Variants in DMD observed in about 807,000 individuals in gnomAD.
The protein encoded by DMD is dystrophin.
In DMD, 63 loss-of-function variants were observed where a neutral mutation model predicts 330.1. The observed-to-expected ratio is 0.19, with a 90% CI of 0.16 to 0.24. The LOEUF (loss-of-function observed/expected upper bound fraction) is 0.24. Among genes scored for constraint, DMD ranks in the 10% least tolerant of loss-of-function variants. The pLI, the probability that DMD is intolerant of heterozygous loss-of-function variation, is 1.00. For missense variants in DMD, 3,344 were observed against 2,684.1 expected (o/e 1.25, Z -5.43); for synonymous variants, 1,223 against 959.8 (o/e 1.27, Z -5.07).
rs149129574 is a variant in DMD, at chrX:32,918,868, G to T, written c.94-69048C>A. The stretch of plus-strand genomic sequence containing the variant: ...CAATATGATACCTGCTATTGTACAG[G>T]TTCTTACAGGTGCTACAGAAGAATC... On this transcript the variant is annotated intron_variant, in intron 2 of 78. Coordinates refer to ENST00000357033, the MANE Select transcript of DMD (RefSeq NM_004006.3). Among the ~76,000 whole-genome samples the T allele has an allele frequency of 2.4e-3, 270 of 111,743 alleles. 4 individuals are homozygous for T. The East Asian group carries it at 0.047, about 19-fold the overall frequency.
chrX:31,717,855 A>AG (rs2148947538), intron 52 of DMD, among the ~76,000 whole-genome samples: 1 of 112,294 alleles, frequency 8.9e-6, no homozygotes, highest in South Asian at 3.7e-4. Flanking sequence ...AAGTGAATCA[A>AG]GGACTCCCTG....
intron 2 of DMD, among the ~76,000 whole-genome samples, chrX:32,997,817 A>C (rs1320080963): frequency 9.0e-6 from 1 of 111,006 alleles, no homozygotes; most frequent in East Asian, 2.9e-4. Flanking sequence ...TACATAATAA[A>C]TTTTCTTAAC....
At chrX:32,175,461 C>A (rs2096902924) in intron 44 of DMD, among the ~76,000 whole-genome samples, 1 of 110,637 alleles carries the variant, frequency 9.0e-6, no homozygotes, top group African/African-American at 3.3e-5. Context: ...CTGCTTGGGT[C>A]CCCTTCCACG....
In DMD at chrX:33,218,044, T is replaced by C. The variant is rs1237792164; in HGVS notation, c.7+121215A>G. On this transcript the variant is annotated intron_variant, in intron 1 of 17. Transcript: ENST00000288447. The stretch of plus-strand genomic sequence containing the variant: ...GGAAGAAAGGTGTAAATTCTTTCAT[T>C]ATTATTACAATGTTAGCTATAAGAT... 3.6e-5 allele frequency among the ~76,000 whole-genome samples: 4 copies of C among 111,616 alleles called. No homozygotes were observed. In the East Asian group the frequency reaches 1.1e-3, roughly 32 times the overall value.
intron 19 of DMD, among the ~76,000 whole-genome samples, chrX:32,496,715 C>T (rs1466708826): frequency 8.9e-6 from 1 of 112,793 alleles, no homozygotes; most frequent in Non-Finnish European, 1.9e-5. Context: ...TCACACACAC[C>T]CACAGAGGCT....
intron 32 of DMD, among the ~76,000 whole-genome samples, chrX:32,387,071 C>G (rs1436189519): frequency 9.0e-6 from 1 of 110,852 alleles, no homozygotes; most frequent in Non-Finnish European, 1.9e-5. Context: ...AATTACACAA[C>G]TTTATTTTCT....
intron 50 of DMD, among the ~76,000 whole-genome samples, chrX:31,817,901 T>A (rs1358290458): frequency 8.9e-6 from 1 of 112,034 alleles, no homozygotes; most frequent in Non-Finnish European, 1.9e-5. Flanking sequence ...GGAATAATTT[T>A]CCCAGAAATA....
In DMD at chrX:31,254,425, C is replaced by T. The variant is rs755074140; in HGVS notation, c.9286+6530G>A. On this transcript the variant is annotated intron_variant, in intron 63 of 78. Transcript: ENST00000357033. ...AGGCTGGAGTGCAGTGATGTAACCT[C>T]GGCTCACTGCAGTCTCGTCCTCCCG... 5.6e-4 allele frequency among the ~76,000 whole-genome samples: 62 copies of T among 111,229 alleles called. 1 individual carries two copies. Among genetic ancestry groups the T allele is most frequent in the Non-Finnish European group, 1.0e-3 (54 of 52,989 alleles).
intron 7 of DMD, among the ~76,000 whole-genome samples, chrX:32,750,261 T>C (rs1326101182): frequency 8.9e-6 from 1 of 111,851 alleles, no homozygotes; most frequent in Non-Finnish European, 1.9e-5. Context: ...TCAAACTCTA[T>C]CCATCCTTGA....
intron 48 of DMD, among the ~76,000 whole-genome samples, chrX:31,854,872 G>C (rs1424615378): frequency 9.0e-6 from 1 of 111,244 alleles, no homozygotes; most frequent in Non-Finnish European, 1.9e-5. Flanking sequence ...GTGTTTTGCA[G>C]CATGCCTGGT....
intron 66 of DMD, among the ~76,000 whole-genome samples, chrX:31,204,470 A>T (rs2043856332): frequency 1.8e-5 from 2 of 112,314 alleles, no homozygotes; most frequent in South Asian, 7.4e-4. Flanking sequence ...TTTAGCATTA[A>T]GAGACATATA....
rs1363721005 is a variant in DMD at position 31,581,201 on chromosome X, G to T, written c.8217+46472C>A. Among the ~76,000 whole-genome samples the T allele has an allele frequency of 2.7e-5, 3 of 111,938 alleles. No homozygotes were observed. In the East Asian group the frequency reaches 8.4e-4, roughly 31 times the overall value. ...CACTGACTACATGCTGATTGGCTTG[G>T]GGGGAAGGATTGCTTACCATGTTGT... On this transcript the variant is annotated intron_variant, in intron 55 of 78. Transcript: ENST00000357033.
chrX:33,176,799 G>GGT (rs1415361428), intron 1 of DMD, among the ~76,000 whole-genome samples: 2 of 110,693 alleles, frequency 1.8e-5, no homozygotes, highest in Non-Finnish European at 3.8e-5. Context: ...AGCCGGTCAT[G>GGT]GTGGCGCTCC....
chrX:31,767,294 T>C (rs777096888), intron 51 of DMD, among the ~76,000 whole-genome samples: 51 of 111,513 alleles, frequency 4.6e-4, no homozygotes, highest in African/African-American at 1.6e-3. Flanking sequence ...GAATAATCAA[T>C]CTCCTCACCC....
chrX:32,205,010 T>TCTCTCTCTCTCTC (rs2097059434), intron 44 of DMD, among the ~76,000 whole-genome samples: 38 of 53,019 alleles, frequency 7.2e-4, no homozygotes, highest in Non-Finnish European at 9.1e-4. Context: ...CTCTCTCACA[T>TCTCTCTCTCTCTC]ACACACACAC....
intron 54 of DMD, among the ~76,000 whole-genome samples, chrX:31,657,173 T>A (rs1405554760): frequency 9.0e-6 from 1 of 111,467 alleles, no homozygotes; most frequent in Admixed American, 9.6e-5. Flanking sequence ...TTCCTCATAT[T>A]GTACAGGTGC....
intron 41 of DMD, among the ~76,000 whole-genome samples, chrX:32,316,139 A>T (rs1380057749): frequency 8.9e-6 from 1 of 111,796 alleles, no homozygotes; most frequent in African/African-American, 3.2e-5. Flanking sequence ...CAGTGTCAAT[A>T]CATGGAAATA....
At chrX:32,175,678 T>C (rs1011021050) in intron 44 of DMD, among the ~76,000 whole-genome samples, 4 of 110,986 alleles carry the variant, frequency 3.6e-5, no homozygotes, top group African/African-American at 1.3e-4. Flanking sequence ...ATCCTAGATA[T>C]TTCCTAGCCT....
chrX:32,082,234 T>C (rs1210086993), intron 44 of DMD, among the ~76,000 whole-genome samples: 4 of 111,160 alleles, frequency 3.6e-5, no homozygotes, highest in African/African-American at 1.3e-4. Context: ...AAGTATGCCT[T>C]TTGTTTTCGA....
Sources: allele counts gnomAD v4.1 joint callset (sites outside exome capture counted in the v4.1 genomes callset), GRCh38; gene constraint gnomAD v4.1.1; transcripts MANE v1.5; gene names NCBI Gene and HGNC (gene_info 2026-07-23, HGNC 2026-07-21).